PLXDC2: variants seen among roughly 807,000 people sequenced by gnomAD.
The protein encoded by PLXDC2 is plexin domain containing 2, also known as plexin domain-containing protein 2.
In PLXDC2, 40 loss-of-function variants were observed where a neutral mutation model predicts 68.9. The ratio of observed to expected loss-of-function variants is 0.58; its 90% CI spans 0.45 to 0.76. The LOEUF is 0.76. Ranked by LOEUF, PLXDC2 falls within the 30% of genes least tolerant of loss-of-function variation. The pLI is 0.00. For missense variants in PLXDC2, 644 were observed against 661.9 expected (o/e 0.97, Z 0.30); for synonymous variants, 243 against 234.2 (o/e 1.04, Z -0.34).
At chr10:20,162,073 AAGGAAG>A (rs1335032554) in intron 6 of PLXDC2, among the ~76,000 whole-genome samples, 1 of 59,016 alleles carries the variant, frequency 1.7e-5, no homozygotes, top group East Asian at 5.0e-4. Context: ...AGAGAGAGAG[AAGGAAG>A]GAAGGAAGGA....
chr10:19,977,861 A>G (rs1445017129), intron 1 of PLXDC2, among the ~76,000 whole-genome samples: 2 of 152,206 alleles, frequency 1.3e-5, no homozygotes, highest in African/African-American at 4.8e-5. Context: ...CCACACCTCC[A>G]AATATCACCC....
At chr10:20,127,961 A>G (rs1833814897) in intron 4 of PLXDC2, among the ~76,000 whole-genome samples, 1 of 152,204 alleles carries the variant, frequency 6.6e-6, no homozygotes, top group Non-Finnish European at 1.5e-5. Context: ...AGCCCTGCTA[A>G]TAATGTAGAG....
At chr10:20,121,508 A>G (rs1033977870) in intron 4 of PLXDC2, among the ~76,000 whole-genome samples, 6 of 152,166 alleles carry the variant, frequency 3.9e-5, no homozygotes, top group Non-Finnish European at 7.3e-5. Context: ...TGACTGAAGT[A>G]ATGGGGGCTG....
intron 12 of PLXDC2, among the ~76,000 whole-genome samples, chr10:20,222,473 TAG>T (rs1374589344): frequency 2.6e-5 from 4 of 152,216 alleles, no homozygotes; most frequent in Admixed American, 2.6e-4. Flanking sequence ...ACATTTATAT[TAG>T]GTCCAGTTAG....
chr10:20,000,529 A>G (rs928264654), intron 1 of PLXDC2, among the ~76,000 whole-genome samples: 2 of 152,064 alleles, frequency 1.3e-5, no homozygotes, highest in African/African-American at 2.4e-5. Flanking sequence ...GAGATCTTTT[A>G]CTGTATGCAT....
intron 1 of PLXDC2, among the ~76,000 whole-genome samples, chr10:19,947,767 C>G (rs1170644065): frequency 4.1e-5 from 5 of 121,598 alleles, no homozygotes; most frequent in African/African-American, 1.5e-4. Context: ...ATAACTTTTA[C>G]TATAGTTAAT....
intron 4 of PLXDC2, among the ~76,000 whole-genome samples, chr10:20,131,165 AT>A (rs35760576): frequency 1.0e-4 from 8 of 77,084 alleles, no homozygotes; most frequent in African/African-American, 3.1e-4. Flanking sequence ...TTTACTTGTT[AT>A]TTTTTTTTTT....
chr10:19,890,079 G>T (rs767146561), intron 1 of PLXDC2, among the ~76,000 whole-genome samples: 5 of 152,020 alleles, frequency 3.3e-5, no homozygotes, highest in Non-Finnish European at 7.4e-5. Flanking sequence ...ATTAATGCCC[G>T]CTCTGTGACA....
At chr10:19,977,646 C>T (rs999574779) in intron 1 of PLXDC2, among the ~76,000 whole-genome samples, 2 of 152,048 alleles carry the variant, frequency 1.3e-5, no homozygotes, top group African/African-American at 2.4e-5. Flanking sequence ...CTGGGAAATT[C>T]GAGATCCAGG....
At chr10:19,996,925 C>A (rs1834855205) in intron 1 of PLXDC2, among the ~76,000 whole-genome samples, 1 of 152,150 alleles carries the variant, frequency 6.6e-6, no homozygotes, top group Non-Finnish European at 1.5e-5. Flanking sequence ...GAAAGACCTG[C>A]CTCCATGATT....
At chr10:20,000,555 T>A (rs1282106239) in intron 1 of PLXDC2, among the ~76,000 whole-genome samples, 2 of 152,146 alleles carry the variant, frequency 1.3e-5, no homozygotes. Context: ...CATCAGACAA[T>A]CAGAGATCTT....
chr10:20,105,137 T>G (rs1317068306), intron 4 of PLXDC2, among the ~76,000 whole-genome samples: 2 of 151,912 alleles, frequency 1.3e-5, no homozygotes, highest in African/African-American at 2.4e-5. Context: ...TGCTTGACCT[T>G]AAGGAACAAG....
intron 1 of PLXDC2, among the ~76,000 whole-genome samples, chr10:19,887,758 C>G (rs1837876447): frequency 6.6e-6 from 1 of 152,138 alleles, no homozygotes; most frequent in Non-Finnish European, 1.5e-5. Context: ...GTATTTCCTT[C>G]TGTCTTGGGT....
intron 4 of PLXDC2, among the ~76,000 whole-genome samples, chr10:20,099,879 C>G (rs1833399817): frequency 6.6e-6 from 1 of 151,876 alleles, no homozygotes; most frequent in Admixed American, 6.6e-5. Context: ...ATCAAAATAC[C>G]TTTTGTGCAA....
At chr10:19,915,862 A>AAG (rs1554844798) in intron 1 of PLXDC2, among the ~76,000 whole-genome samples, 10 of 150,004 alleles carry the variant, frequency 6.7e-5, no homozygotes, top group Admixed American at 5.3e-4. Flanking sequence ...AACCAAAAAA[A>AAG]AAGAAGAAGA....
intron 13 of PLXDC2, among the ~76,000 whole-genome samples, chr10:20,256,009 T>G (rs1261943838): frequency 6.6e-6 from 1 of 152,160 alleles, no homozygotes; most frequent in Non-Finnish European, 1.5e-5. Context: ...TACTTTCTAC[T>G]TTCAGCTAAT....
intron 1 of PLXDC2, among the ~76,000 whole-genome samples, chr10:19,990,828 T>C (rs1374714256): frequency 6.6e-6 from 1 of 152,230 alleles, no homozygotes; most frequent in Admixed American, 6.5e-5. Flanking sequence ...ATTTTAGAAA[T>C]TCTTGGGAAC....
At chr10:20,162,042 AAGAG>A (rs139175193) in intron 6 of PLXDC2, among the ~76,000 whole-genome samples, 922 of 72,360 alleles carry the variant, frequency 0.013, 47 homozygotes, top group African/African-American at 0.04. Context: ...GAAAGAAAGA[AAGAG>A]AGAGAGAGAG....
At chr10:20,270,105 C>A (rs1398121996) in intron 13 of PLXDC2, among the ~76,000 whole-genome samples, 1 of 151,736 alleles carries the variant, frequency 6.6e-6, no homozygotes, top group Non-Finnish European at 1.5e-5. Context: ...GAGAGTGAGC[C>A]AGAAGAAGAG....
Sources: gnomAD v4.1 joint callset for allele counts (sites outside exome capture counted in the v4.1 genomes callset) on GRCh38, gnomAD v4.1.1 for gene constraint, MANE v1.5 for transcripts, NCBI Gene and HGNC (gene_info 2026-07-23, HGNC 2026-07-21) for gene names.